Variants in CRPPA observed in about 807,000 individuals in gnomAD.
CRPPA encodes the protein CDP-L-ribitol pyrophosphorylase A, also known as D-ribitol-5-phosphate cytidylyltransferase.
A neutral mutation model predicts 52.0 loss-of-function variants in CRPPA; 43 were observed. The ratio of observed to expected loss-of-function variants is 0.83; its 90% confidence interval spans 0.65 to 1.07. The LOEUF (loss-of-function observed/expected upper bound fraction) is 1.07. Among genes scored for constraint, CRPPA ranks in the 50% least tolerant of loss-of-function variants. The probability of loss-of-function intolerance (pLI) is 0.00; values close to 1 mark genes in which losing one functional copy is unlikely to be tolerated. For synonymous variants in CRPPA, 250 were observed against 203.5 expected (o/e 1.23, Z -1.94); for missense variants, 629 against 551.7 (o/e 1.14, Z -1.40).
chr7:16,380,541 A>G (rs185804088), intron 2 of CRPPA, among the ~76,000 whole-genome samples: 3,721 of 152,110 alleles, frequency 0.024, 148 homozygotes, highest in African/African-American at 0.085. Context: ...TTTTCTATTG[A>G]TTGGAGTAGT....
chr7:16,385,523 A>C (rs1787237980), intron 2 of CRPPA, among the ~76,000 whole-genome samples: 1 of 152,240 alleles, frequency 6.6e-6, no homozygotes, highest in Non-Finnish European at 1.5e-5. Flanking sequence ...CATATCCAGC[A>C]AAACCAGTAT....
At chr7:16,139,358 A>C (rs1335076254) in intron 9 of CRPPA, among the ~76,000 whole-genome samples, 1 of 152,196 alleles carries the variant, frequency 6.6e-6, no homozygotes, top group Non-Finnish European at 1.5e-5. Context: ...GAATTTGTCT[A>C]AGGTTTAAAT....
chr7:16,389,911 T>TCCAAAAAAA (rs1562673584), intron 2 of CRPPA, among the ~76,000 whole-genome samples: 1 of 3,150 alleles, frequency 3.2e-4, no homozygotes, highest in African/African-American at 2.5e-3. Context: ...AAGCCTAGTA[T>TCCAAAAAAA]ACAAAAAAAA....
intron 8 of CRPPA, among the ~76,000 whole-genome samples, chr7:16,229,552 C>T (rs769834970): frequency 2.5e-4 from 38 of 151,938 alleles, no homozygotes; most frequent in Non-Finnish European, 5.2e-4. Flanking sequence ...ATTTACTTCA[C>T]TCACTCCTCC....
intron 9 of CRPPA, among the ~76,000 whole-genome samples, chr7:16,185,532 C>T (rs925865596): frequency 6.6e-6 from 1 of 152,104 alleles, no homozygotes; most frequent in South Asian, 2.1e-4. Flanking sequence ...AAGAAAACTC[C>T]AATATTTTTG....
At chr7:16,351,182 G>T (rs754661720) in intron 3 of CRPPA, among the ~76,000 whole-genome samples, 2 of 152,040 alleles carry the variant, frequency 1.3e-5, no homozygotes, top group Non-Finnish European at 2.9e-5. Context: ...TTAATAAATG[G>T]TACTGGGAAA....
In CRPPA at chr7:16,342,910, C is replaced by T. The variant is rs191450576; in HGVS notation, c.684+33182G>A. 3.4e-3 allele frequency among the ~76,000 whole-genome samples: 446 copies of T among 129,688 alleles called. 3 individuals carry two copies. The highest frequency in any genetic ancestry group is 0.013 in the African/African-American group (432 of 34,428). The allele number at this position is 129,688 out of a possible 152,430, so 85.1% of individuals were successfully genotyped here. A position where few individuals can be genotyped will look rare whatever the true frequency, so the allele number is the denominator to read the frequency against. ...ACAAAATTAGCTGGATATCGTAGTA[C>T]GTGCCTGTAGTCCCACCTACTTAAG... On this transcript the variant is annotated intron_variant, in intron 3 of 9. Coordinates refer to ENST00000407010, the MANE Select transcript of CRPPA (RefSeq NM_001101426.4).
chr7:16,180,992 T>C (rs1330145141), intron 9 of CRPPA, among the ~76,000 whole-genome samples: 7 of 151,986 alleles, frequency 4.6e-5, no homozygotes, highest in Admixed American at 4.6e-4. Flanking sequence ...ACAGATGTGA[T>C]ATACATGATT....
At chr7:16,367,166 T>G (rs1055062319) in intron 3 of CRPPA, among the ~76,000 whole-genome samples, 2 of 100,052 alleles carry the variant, frequency 2.0e-5, no homozygotes, top group African/African-American at 1.2e-4. Flanking sequence ...TCTCCATTTG[T>G]CAAAATTTAA....
intron 3 of CRPPA, among the ~76,000 whole-genome samples, chr7:16,366,996 T>C (rs1325181669): frequency 6.6e-6 from 1 of 152,160 alleles, no homozygotes; most frequent in African/African-American, 2.4e-5. Context: ...TAAGAAACAA[T>C]GGTTTGCAAA....
intron 9 of CRPPA, among the ~76,000 whole-genome samples, chr7:16,117,174 G>C (rs1295802139): frequency 6.6e-6 from 1 of 152,206 alleles, no homozygotes; most frequent in African/African-American, 2.4e-5. Context: ...CATGCTTTCA[G>C]TATTCCTTTT....
intron 9 of CRPPA, among the ~76,000 whole-genome samples, chr7:16,159,189 G>A (rs1388884117): frequency 6.6e-6 from 1 of 152,054 alleles, no homozygotes. Context: ...GGCTGAGGTG[G>A]GCAGATCACC....
chr7:16,367,970 T>C (rs1158633933), intron 3 of CRPPA, among the ~76,000 whole-genome samples: 1 of 152,166 alleles, frequency 6.6e-6, no homozygotes, highest in African/African-American at 2.4e-5. Flanking sequence ...TCCTGCTGTA[T>C]CTTTCATGAA....
At chr7:16,161,927 G>T (rs1044200834) in intron 9 of CRPPA, among the ~76,000 whole-genome samples, 1 of 152,132 alleles carries the variant, frequency 6.6e-6, no homozygotes, top group Admixed American at 6.6e-5. Context: ...GGTGCTATGT[G>T]TCCAGGAATG....
Position 16,089,344 on chromosome 7 carries a change from G to A in CRPPA, c.*2351C>T, listed in dbSNP as rs114572844. The stretch of plus-strand genomic sequence containing the variant: ...CGTATATAAATATATGTGTGTATGC[G>A]TACGTATATACATACATACATGCAT... On this transcript the variant is annotated 3_prime_UTR_variant, in exon 10 of 10. Coordinates refer to ENST00000407010, the MANE Select transcript of CRPPA (RefSeq NM_001101426.4). 1,978 of 370,866 alleles carry A rather than the reference G, an allele frequency of 5.3e-3. 130 individuals are homozygous for A. The highest frequency in any genetic ancestry group is 0.043 in the African/African-American group (1,830 of 42,680). 23.0% of individuals were successfully genotyped at this position (370,866 alleles called of 1,614,324 possible). A position where few individuals can be genotyped will look rare whatever the true frequency, so the allele number is the denominator to read the frequency against.
At chr7:16,205,730 C>G (rs1281729406) in intron 9 of CRPPA, among the ~76,000 whole-genome samples, 1 of 151,806 alleles carries the variant, frequency 6.6e-6, no homozygotes, top group East Asian at 1.9e-4. Context: ...CTTATTTCCT[C>G]TTACTACAGT....
intron 9 of CRPPA, among the ~76,000 whole-genome samples, chr7:16,203,082 C>A (rs1253957481): frequency 6.6e-6 from 1 of 152,138 alleles, no homozygotes; most frequent in African/African-American, 2.4e-5. Context: ...TCTTATCTAG[C>A]TGCGCTTTAA....
At chr7:16,149,918 G>A (rs138982872) in intron 9 of CRPPA, among the ~76,000 whole-genome samples, 1,764 of 151,596 alleles carry the variant, frequency 0.012, 35 homozygotes, top group African/African-American at 0.041. Context: ...CTCGGGAGGC[G>A]GAAGTTGCAG....
chr7:16,181,516 A>T (rs1010533074), intron 9 of CRPPA, among the ~76,000 whole-genome samples: 1 of 151,976 alleles, frequency 6.6e-6, no homozygotes, highest in African/African-American at 2.4e-5. Flanking sequence ...TCAAGGTATA[A>T]ACAAAACACA....
Sources: allele counts gnomAD v4.1 joint callset (sites outside exome capture counted in the v4.1 genomes callset), GRCh38; gene constraint gnomAD v4.1.1; transcripts MANE v1.5; gene names NCBI Gene and HGNC (gene_info 2026-07-23, HGNC 2026-07-21).